Variants in MYT1L observed in about 807,000 individuals in gnomAD.
MYT1L encodes myelin transcription factor 1 like, also known as myelin transcription factor 1-like protein.
In MYT1L, 12 loss-of-function variants were observed where a neutral mutation model predicts 126.7. That is an observed-to-expected ratio of 0.09 (90% CI 0.06 to 0.15). MYT1L has a LOEUF of 0.15. Among genes scored for constraint, MYT1L ranks in the 10% least tolerant of loss-of-function variants. The pLI, the probability that MYT1L is intolerant of heterozygous loss-of-function variation, is 1.00. For missense variants in MYT1L, 979 were observed against 1,585.2 expected, an observed-to-expected ratio of 0.62 and a Z score of 6.49; for synonymous variants, 541 against 604.2, an observed-to-expected ratio of 0.90 and a Z score of 1.53.
At chr2:1,951,210 G>T (rs761519232) in intron 8 of MYT1L, among the ~76,000 whole-genome samples, 1 of 152,140 alleles carries the variant, frequency 6.6e-6, no homozygotes, top group Non-Finnish European at 1.5e-5. Context: ...CTGAAGTGTT[G>T]GTTTGGGGCA....
At chr2:2,303,801 A>T (rs933525631) in intron 1 of MYT1L, 5 of 152,242 alleles carry the variant, frequency 3.3e-5, no homozygotes, top group African/African-American at 1.2e-4. Flanking sequence ...AACCATTGCC[A>T]AGGATAGCCA....
chr2:2,310,462 A>G (rs2095948640), intron 1 of MYT1L, among the ~76,000 whole-genome samples: 2 of 152,184 alleles, frequency 1.3e-5, no homozygotes, highest in African/African-American at 4.8e-5. Context: ...ACTTCAGTAC[A>G]CTATACTACT....
chr2:2,019,643 C>T (rs1263245536), intron 4 of MYT1L, among the ~76,000 whole-genome samples: 8 of 152,142 alleles, frequency 5.3e-5, no homozygotes, highest in Non-Finnish European at 1.0e-4. Flanking sequence ...AGGCAAACAC[C>T]TTTGTTAGTT....
At chr2:2,116,319 T>G (rs1359519447) in intron 3 of MYT1L, among the ~76,000 whole-genome samples, 1 of 152,240 alleles carries the variant, frequency 6.6e-6, no homozygotes, top group African/African-American at 2.4e-5. Flanking sequence ...CTCCCTTCAC[T>G]GAGCACCATG....
intron 3 of MYT1L, among the ~76,000 whole-genome samples, chr2:2,165,577 A>G (rs1047480369): frequency 1.3e-5 from 2 of 152,244 alleles, no homozygotes; most frequent in African/African-American, 4.8e-5. Context: ...CCAACTGTCC[A>G]TATGTCCTTT....
At position 1,833,921 on chromosome 2, in the gene MYT1L, G is replaced by A. The variant is rs143464969; in HGVS notation, c.3080+5228C>T. Among the ~76,000 whole-genome samples the A allele has an allele frequency of 1.1e-3, 160 of 152,354 alleles. 1 individual carries two copies. Among genetic ancestry groups the A allele is most frequent in the African/African-American group, 3.6e-3 (149 of 41,592 alleles). On this transcript the variant is annotated intron_variant, in intron 21 of 24. Transcript: ENST00000647738. ...ACTCCCCATGAAGTGAAGTGGAAAC[G>A]ATTTCACAGCAAATGGGGTGGATGG... is the stretch of plus-strand genomic sequence containing the variant.
intron 22 of MYT1L, among the ~76,000 whole-genome samples, chr2:1,804,604 C>T (rs1024434891): frequency 1.3e-5 from 2 of 152,200 alleles, no homozygotes; most frequent in African/African-American, 4.8e-5. Context: ...ATTAGCATAG[C>T]GTGGTCCTGG....
At chr2:2,237,106 G>A (rs893205044) in intron 2 of MYT1L, among the ~76,000 whole-genome samples, 4 of 151,980 alleles carry the variant, frequency 2.6e-5, no homozygotes, top group South Asian at 2.1e-4. Flanking sequence ...GAGCCACCAC[G>A]CCCAACCTGG....
Position 2,164,021 on chromosome 2 carries a change from C to T in MYT1L, c.-304+8851G>A, listed in dbSNP as rs2088542179. Among the ~76,000 whole-genome samples, 3 of 152,044 alleles carry T rather than the reference C, an allele frequency of 2.0e-5. No homozygotes were observed. The South Asian group carries it at 6.2e-4, about 31-fold the overall frequency. ...CAATATCATCCCCTACAGCAATACACATATTTTTATAAAAGAATACATATA... is the reference window on the plus strand; with the variant it reads ...CAATATCATCCCCTACAGCAATACATATATTTTTATAAAAGAATACATATA... On this transcript the variant is annotated intron_variant, in intron 3 of 24. Coordinates refer to ENST00000647738, the MANE Select transcript of MYT1L (RefSeq NM_001303052.2).
chr2:2,310,423 T>G (rs566460894), intron 1 of MYT1L, among the ~76,000 whole-genome samples: 87 of 152,312 alleles, frequency 5.7e-4, no homozygotes, highest in Non-Finnish European at 1.0e-3. Flanking sequence ...CATCTACACT[T>G]CAGTATACTT....
At chr2:2,165,818 C>T (rs527375908) in intron 3 of MYT1L, among the ~76,000 whole-genome samples, 1 of 151,212 alleles carries the variant, frequency 6.6e-6, no homozygotes, top group African/African-American at 2.4e-5. Context: ...TATTTTTCTA[C>T]TTTGTAAATT....
chr2:2,320,600 T>C (rs2096146535), intron 1 of MYT1L, among the ~76,000 whole-genome samples: 1 of 152,014 alleles, frequency 6.6e-6, no homozygotes, highest in Non-Finnish European at 1.5e-5. Flanking sequence ...ACAACTACCA[T>C]CATTGACGCC....
intron 1 of MYT1L, among the ~76,000 whole-genome samples, chr2:2,294,434 C>T (rs146000581): frequency 6.6e-6 from 1 of 152,272 alleles, no homozygotes; most frequent in African/African-American, 2.4e-5. Context: ...GAGCTCAGCA[C>T]AGCATCACCC....
chr2:1,994,916 A>T (rs2061710492), intron 5 of MYT1L, among the ~76,000 whole-genome samples: 1 of 152,008 alleles, frequency 6.6e-6, no homozygotes, highest in Non-Finnish European at 1.5e-5. Context: ...TAGGGGGAGG[A>T]AAATACTAAA....
intron 3 of MYT1L, among the ~76,000 whole-genome samples, chr2:2,070,286 AT>A (rs1401059645): frequency 6.6e-6 from 1 of 152,034 alleles, no homozygotes; most frequent in African/African-American, 2.4e-5. Flanking sequence ...CCATGTTTCC[AT>A]TTTGCCATCA....
chr2:1,896,789 A>G (rs1194176888), intron 14 of MYT1L, among the ~76,000 whole-genome samples: 2 of 152,206 alleles, frequency 1.3e-5, no homozygotes. Context: ...CTCTGTATCT[A>G]AAATAAAAGT....
At chr2:2,239,275 G>A (rs2094391063) in intron 2 of MYT1L, among the ~76,000 whole-genome samples, 2 of 152,184 alleles carry the variant, frequency 1.3e-5, no homozygotes, top group African/African-American at 2.4e-5. Context: ...AGACAGACGG[G>A]GGCAAAGGAA....
At chr2:2,200,663 T>TAGAG (rs141834965) in intron 2 of MYT1L, among the ~76,000 whole-genome samples, 1 of 150,594 alleles carries the variant, frequency 6.6e-6, no homozygotes, top group Non-Finnish European at 1.5e-5. Flanking sequence ...ACCACACCCA[T>TAGAG]AGAGAGAGAG....
chr2:2,148,009 T>G (rs2085149067), intron 3 of MYT1L, among the ~76,000 whole-genome samples: 1 of 152,214 alleles, frequency 6.6e-6, no homozygotes, highest in Admixed American at 6.5e-5. Flanking sequence ...GAGAATGCTG[T>G]TGGAGGAGAT....
Sources: gnomAD v4.1 joint callset for allele counts (sites outside exome capture counted in the v4.1 genomes callset) on GRCh38, gnomAD v4.1.1 for gene constraint, MANE v1.5 for transcripts, NCBI Gene and HGNC (gene_info 2026-07-23, HGNC 2026-07-21) for gene names.